SPSB1: variants seen among roughly 807,000 people sequenced by gnomAD.
SPSB1 encodes the protein splA/ryanodine receptor domain and SOCS box containing 1, also known as SPRY domain-containing SOCS box protein 1.
In SPSB1, 8 loss-of-function variants were observed where a neutral mutation model predicts 21.2. The ratio of observed to expected loss-of-function variants is 0.38; its 90% CI spans 0.22 to 0.68. SPSB1 has a LOEUF of 0.68. SPSB1 is among the 30% of genes least tolerant of loss of function. SPSB1 has a pLI of 0.53. For synonymous variants in SPSB1, 169 were observed against 161.7 expected, an observed-to-expected ratio of 1.05 and a Z score of -0.34; for missense variants, 242 against 377.8, an observed-to-expected ratio of 0.64 and a Z score of 2.98.
chr1:9,343,207 G>T (rs955289387), intron 1 of SPSB1, among the ~76,000 whole-genome samples: 4 of 152,020 alleles, frequency 2.6e-5, no homozygotes, highest in Admixed American at 6.6e-5. Context: ...CCTAAAAGAG[G>T]CTCGAGTCCC....
intron 1 of SPSB1, among the ~76,000 whole-genome samples, chr1:9,333,040 C>T (rs754894208): frequency 2.0e-5 from 3 of 152,238 alleles, no homozygotes; most frequent in Non-Finnish European, 4.4e-5. Flanking sequence ...CTTCTGCCCT[C>T]GTGGGCTGCG....
chr1:9,327,652 G>C (rs1639838323), intron 1 of SPSB1, among the ~76,000 whole-genome samples: 1 of 152,106 alleles, frequency 6.6e-6, no homozygotes, highest in Admixed American at 6.5e-5. Context: ...GGGAGTGTGG[G>C]GGAGAAATTT....
intron 1 of SPSB1, among the ~76,000 whole-genome samples, chr1:9,326,337 G>C (rs1639816228): frequency 6.6e-6 from 1 of 152,154 alleles, no homozygotes; most frequent in African/African-American, 2.4e-5. Context: ...AGACACCCAG[G>C]GGCCACTCAG....
chr1:9,329,716 A>G (rs1379325370), intron 1 of SPSB1, among the ~76,000 whole-genome samples: 1 of 151,668 alleles, frequency 6.6e-6, no homozygotes, highest in African/African-American at 2.4e-5. Flanking sequence ...AAAAAAAAAA[A>G]AAAAAAGAGA....
chr1:9,349,410 G>T (rs1640215045), intron 1 of SPSB1, among the ~76,000 whole-genome samples: 1 of 152,250 alleles, frequency 6.6e-6, no homozygotes, highest in Admixed American at 6.5e-5. Flanking sequence ...GCCAGGAGTG[G>T]GGGTAGGTGA....
chr1:9,329,777 G>T (rs1450299785), intron 1 of SPSB1, among the ~76,000 whole-genome samples: 2 of 152,070 alleles, frequency 1.3e-5, no homozygotes, highest in East Asian at 1.9e-4. Flanking sequence ...CCAGATCTCG[G>T]CATCGGACAC....
chr1:9,302,779 A>T (rs769246629), intron 1 of SPSB1, among the ~76,000 whole-genome samples: 1 of 152,170 alleles, frequency 6.6e-6, no homozygotes, highest in African/African-American at 2.4e-5. Flanking sequence ...AAAAGGCTCT[A>T]TGTACTCTGT....
At chr1:9,359,524 A>G (rs918944072) in intron 2 of SPSB1, among the ~76,000 whole-genome samples, 2 of 152,132 alleles carry the variant, frequency 1.3e-5, no homozygotes, top group African/African-American at 4.8e-5. Flanking sequence ...CAACATGGTG[A>G]AACCCCATTT....
chr1:9,341,560 A>G (rs575182079), intron 1 of SPSB1, among the ~76,000 whole-genome samples: 14 of 152,176 alleles, frequency 9.2e-5, no homozygotes, highest in Non-Finnish European at 1.8e-4. Flanking sequence ...TTGCCAGACC[A>G]TCTCTCTGGT....
chr1:9,351,361 CA>C (rs1266573400), intron 1 of SPSB1: 1 of 152,254 alleles, frequency 6.6e-6, no homozygotes, highest in African/African-American at 2.4e-5. Context: ...GACAGGAGAA[CA>C]GTGATCTTTG....
At chr1:9,330,639 C>A (rs1639900010) in intron 1 of SPSB1, among the ~76,000 whole-genome samples, 1 of 152,074 alleles carries the variant, frequency 6.6e-6, no homozygotes, top group South Asian at 2.1e-4. Flanking sequence ...TGTCCTCTTC[C>A]TTTCCTCCCC....
chr1:9,346,620 CG>C lies in SPSB1; in HGVS notation c.-149-9117del, dbSNP rs901269895. 1.3e-5 allele frequency among the ~76,000 whole-genome samples: 2 copies of C among 152,170 alleles called. No individual in the cohort carries two copies. The highest frequency in any genetic ancestry group is 2.4e-5 in the African/African-American group (1 of 41,438). On this transcript the variant is annotated intron_variant, in intron 1 of 2. Transcript: ENST00000328089. The surrounding 1 kb of genome is among the most constrained non-coding windows in gnomAD (Gnocchi z 4.4). ...GTTGTGGCTTTAATTGAAACACCAT[CG>C]GGGGGTTGCCGGCAGGTGCTGTGCA... is the stretch of plus-strand genomic sequence containing the variant.
rs180930494 is a variant in SPSB1 at position 9,303,332 on chromosome 1, G to C, written c.-150+10261G>C. ...TCTGCCACTTAAAGAACCACAGCCAGCTGAGGTGCTTGTTGCAGACGAAAG... is the reference window on the plus strand; with the variant it reads ...TCTGCCACTTAAAGAACCACAGCCACCTGAGGTGCTTGTTGCAGACGAAAG... On this transcript the variant is annotated intron_variant, in intron 1 of 2. Transcript: ENST00000328089. Among the ~76,000 whole-genome samples, 63 of 152,344 alleles carry C rather than the reference G, an allele frequency of 4.1e-4. No homozygotes were observed. In the Middle Eastern group the frequency reaches 0.01, roughly 25 times the overall value.
Position 9,356,450 on chromosome 1 carries a change from A to G in SPSB1, c.559A>G (p.Thr187Ala). 1 of 1,614,054 alleles carries G rather than the reference A, an allele frequency of 6.2e-7. No individual in the cohort carries two copies. The highest frequency in any genetic ancestry group is 1.1e-5 in the South Asian group (1 of 91,080). ...FLVALDMDDG[T>A]LSFIVDGQYM... ...GGTAGCCCTGGACATGGACGACGGG[A>G]CTCTGAGCTTCATTGTGGATGGACA... The change falls in exon 2 of 3, where the codon ACT becomes GCT. Residue 187 changes from threonine to alanine, a missense_variant. Coordinates refer to ENST00000328089, the MANE Select transcript of SPSB1 (RefSeq NM_025106.4). This position sits in a 1 kb window ranked among gnomAD's most constrained non-coding sequence, Gnocchi z 7.4.
chr1:9,326,163 C>A (rs929228193), intron 1 of SPSB1, among the ~76,000 whole-genome samples: 1 of 151,972 alleles, frequency 6.6e-6, no homozygotes, highest in African/African-American at 2.4e-5. Flanking sequence ...TTTAGTCTTC[C>A]CTGCCTTTCA....
At chr1:9,326,189 G>T (rs986132358) in intron 1 of SPSB1, among the ~76,000 whole-genome samples, 1 of 151,830 alleles carries the variant, frequency 6.6e-6, no homozygotes, top group African/African-American at 2.4e-5. Flanking sequence ...TGAGGTTTTG[G>T]TGCTCATGAG....
chr1:9,350,629 C>G (rs1442644033), intron 1 of SPSB1, among the ~76,000 whole-genome samples: 1 of 152,166 alleles, frequency 6.6e-6, no homozygotes, highest in East Asian at 1.9e-4. Context: ...TGGTGGGTGG[C>G]GGTGGCAGCA....
chr1:9,337,619 G>A (rs976420567), intron 1 of SPSB1, among the ~76,000 whole-genome samples: 3 of 152,170 alleles, frequency 2.0e-5, no homozygotes, highest in South Asian at 2.1e-4. Context: ...TTGCTGAGGT[G>A]GGGTCCCCAG....
chr1:9,336,235 C>CT (rs1267076052), intron 1 of SPSB1, among the ~76,000 whole-genome samples: 13 of 151,398 alleles, frequency 8.6e-5, no homozygotes, highest in African/African-American at 1.9e-4. Flanking sequence ...CCTCCTGGTT[C>CT]TTTTTTTTTG....
Sources: gnomAD v4.1 joint callset for allele counts (sites outside exome capture counted in the v4.1 genomes callset) on GRCh38, gnomAD v4.1.1 for gene constraint, Gnocchi (gnomAD v3.1) non-coding constraint, MANE v1.5 for transcripts, NCBI Gene and HGNC (gene_info 2026-07-23, HGNC 2026-07-21) for gene names.